SETBP1: variants seen among roughly 807,000 people sequenced by gnomAD.
The protein encoded by SETBP1 is SET binding protein 1, also known as SET-binding protein.
In SETBP1, 9 loss-of-function variants were observed where a neutral mutation model predicts 101.0. The ratio of observed to expected loss-of-function variants is 0.09; its 90% CI spans 0.05 to 0.16. The LOEUF (loss-of-function observed/expected upper bound fraction) is 0.16, where lower values mean the gene tolerates loss of function less well. SETBP1 is among the 10% of genes least tolerant of loss of function. The probability of loss-of-function intolerance (pLI) is 1.00; values close to 1 mark genes in which losing one functional copy is unlikely to be tolerated. For missense variants in SETBP1, 1,858 were observed against 2,033.8 expected (o/e 0.91, Z 1.66); for synonymous variants, 818 against 788.5 (o/e 1.04, Z -0.63).
intron 2 of SETBP1, among the ~76,000 whole-genome samples, chr18:44,813,027 A>G (rs2071895759): frequency 6.6e-6 from 1 of 152,122 alleles, no homozygotes. Flanking sequence ...TGTCCACAGA[A>G]CAGAGAGGAT....
At chr18:44,761,329 A>G (rs1381513637) in intron 2 of SETBP1, among the ~76,000 whole-genome samples, 4 of 152,230 alleles carry the variant, frequency 2.6e-5, no homozygotes, top group Non-Finnish European at 5.9e-5. Context: ...GTTATTTGCT[A>G]TAATCACCCT....
At chr18:44,748,488 C>G (rs373967190) in intron 2 of SETBP1, among the ~76,000 whole-genome samples, 23 of 152,298 alleles carry the variant, frequency 1.5e-4, no homozygotes, top group African/African-American at 5.5e-4. Context: ...ACTGCTTTTC[C>G]TAACAAAACT....
intron 1 of SETBP1, chr18:44,697,129 A>G (rs1455739719): frequency 5.3e-5 from 8 of 152,290 alleles, no homozygotes; most frequent in African/African-American, 1.9e-4. Context: ...AAGGCAAAAC[A>G]TTTTTACCTT....
chr18:44,952,164 C>T lies in SETBP1; in HGVS notation c.2824C>T (p.Arg942Trp), dbSNP rs752264940. Residue 942 changes from arginine (R) to tryptophan (W), a missense_variant, in exon 4 of 6, where the codon CGG (arginine) becomes TGG (tryptophan). Arg to Trp is a moderately radical substitution (Grantham distance 101). Around this residue, in one of 12 missense-constraint regions of SETBP1, gnomAD observed 255 missense variants for 300.1 expected, o/e 0.85. Transcript: ENST00000649279. The part of the protein sequence containing the change: ...SLKKPKHKRK[R>W]KSLQNRDDLQ... ...CAAGAAGCCAAAGCACAAGAGGAAA[C>T]GGAAAAGCCTGCAAAACCGCGATGA... The T allele has an allele frequency of 4.0e-5, 65 of 1,613,972 alleles. No homozygotes were observed. The highest frequency in any genetic ancestry group is 1.6e-4 in the Middle Eastern group (1 of 6,082).
intron 2 of SETBP1, among the ~76,000 whole-genome samples, chr18:44,811,415 G>T (rs2071860309): frequency 6.6e-6 from 1 of 152,204 alleles, no homozygotes; most frequent in African/African-American, 2.4e-5. Context: ...CACATGCTTT[G>T]CCAAAGGAGG....
chr18:44,929,747 G>T (rs1325253374), intron 3 of SETBP1, among the ~76,000 whole-genome samples: 4 of 152,172 alleles, frequency 2.6e-5, no homozygotes, highest in Admixed American at 2.0e-4. Flanking sequence ...GTCTGTTATT[G>T]GTATATAGGA....
At chr18:44,778,114 G>A in intron 2 of SETBP1, among the ~76,000 whole-genome samples, 1 of 152,160 alleles carries the variant, frequency 6.6e-6, no homozygotes, top group Admixed American at 6.5e-5. Flanking sequence ...CCCTGAAAGA[G>A]CCAGTGCCAA....
chr18:45,018,063 C>A (rs959750143), intron 4 of SETBP1, among the ~76,000 whole-genome samples: 4 of 152,174 alleles, frequency 2.6e-5, no homozygotes, highest in Non-Finnish European at 5.9e-5. Flanking sequence ...TGATCCTTCC[C>A]AGTCCTGATA....
At chr18:44,938,121 C>G (rs1440534584) in intron 3 of SETBP1, among the ~76,000 whole-genome samples, 1 of 152,144 alleles carries the variant, frequency 6.6e-6, no homozygotes, top group Non-Finnish European at 1.5e-5. Context: ...GTCAGGACCA[C>G]TCTGGAGCAA....
intron 2 of SETBP1, among the ~76,000 whole-genome samples, chr18:44,744,006 C>T (rs1227659059): frequency 6.6e-6 from 1 of 152,248 alleles, no homozygotes; most frequent in Admixed American, 6.5e-5. Context: ...ATTCTGGCCA[C>T]ATATAATGGC....
At chr18:44,738,808 T>C (rs982200786) in intron 2 of SETBP1, among the ~76,000 whole-genome samples, 10 of 149,742 alleles carry the variant, frequency 6.7e-5, no homozygotes, top group African/African-American at 2.5e-4. Context: ...AGGAAGACGG[T>C]ATACACGAAC....
intron 3 of SETBP1, among the ~76,000 whole-genome samples, chr18:44,907,020 C>T (rs867751915): frequency 3.9e-5 from 6 of 152,148 alleles, no homozygotes; most frequent in Non-Finnish European, 8.8e-5. Flanking sequence ...AGCAGTTACA[C>T]CCCATTTTCT....
In SETBP1 at chr18:44,949,928, C is replaced by G. The variant is rs1368088206; in HGVS notation, c.588C>G (p.Gly196=). ...QKHSTLHYDT[G]LPQDFTGDTL... is the part of the protein sequence containing the mutation. ...ATTCAACTCTCCATTATGACACGGG[C>G]CTCCCACAGGACTTCACCGGTGACA... The change falls in exon 4 of 6, where the codon GGC becomes GGG. Residue 196 remains glycine (G), a synonymous_variant. Transcript: ENST00000649279. 6.2e-7 allele frequency: 1 copy of G among 1,614,046 alleles called. No individual in the cohort carries two copies. Among genetic ancestry groups the G allele is most frequent in the Non-Finnish European group, 8.5e-7 (1 of 1,180,048 alleles).
intron 4 of SETBP1, among the ~76,000 whole-genome samples, chr18:45,005,149 A>C (rs563144573): frequency 6.6e-6 from 1 of 152,324 alleles, no homozygotes; most frequent in East Asian, 1.9e-4. Context: ...ATAGGAAGAA[A>C]ATACAACCTC....
chr18:44,930,514 C>T (rs2070805860), intron 3 of SETBP1, among the ~76,000 whole-genome samples: 1 of 152,128 alleles, frequency 6.6e-6, no homozygotes, highest in South Asian at 2.1e-4. Context: ...AGGAATGGTA[C>T]CAGTTCCTCT....
At chr18:44,920,682 G>C (rs2070559150) in intron 3 of SETBP1, among the ~76,000 whole-genome samples, 1 of 152,160 alleles carries the variant, frequency 6.6e-6, no homozygotes, top group Non-Finnish European at 1.5e-5. Flanking sequence ...TGTGGTTTCA[G>C]CCTCTGCCAG....
At chr18:44,774,558 G>C (rs2070951212) in intron 2 of SETBP1, among the ~76,000 whole-genome samples, 1 of 152,146 alleles carries the variant, frequency 6.6e-6, no homozygotes, top group African/African-American at 2.4e-5. Flanking sequence ...GACGTGTAGA[G>C]GAGACTGGCA....
At chr18:44,793,620 G>C (rs989073153) in intron 2 of SETBP1, among the ~76,000 whole-genome samples, 1 of 152,194 alleles carries the variant, frequency 6.6e-6, no homozygotes, top group Non-Finnish European at 1.5e-5. Flanking sequence ...AGTTTGAAAA[G>C]AACAATAGAT....
At chr18:44,777,277 C>T (rs1226611710) in intron 2 of SETBP1, among the ~76,000 whole-genome samples, 2 of 152,174 alleles carry the variant, frequency 1.3e-5, no homozygotes, top group Non-Finnish European at 2.9e-5. Context: ...CATAGCATAA[C>T]TCCATCTCAA....
Sources: gnomAD v4.1 joint callset for allele counts (sites outside exome capture counted in the v4.1 genomes callset) on GRCh38, gnomAD v4.1.1 for gene constraint, gnomAD v4.1.1 regional missense constraint, MANE v1.5 for transcripts, NCBI Gene and HGNC (gene_info 2026-07-23, HGNC 2026-07-21) for gene names.